The following MARCHF1 variants were observed in gnomAD, a reference collection of about 807,000 sequenced individuals.
The protein encoded by MARCHF1 is membrane associated ring-CH-type finger 1, also known as E3 ubiquitin-protein ligase MARCHF1.
In MARCHF1, 40 loss-of-function variants were observed where a neutral mutation model predicts 54.2. The observed-to-expected ratio is 0.74, with a 90% CI of 0.57 to 0.96. The LOEUF (loss-of-function observed/expected upper bound fraction) is 0.96, where lower values mean the gene tolerates loss of function less well. MARCHF1 is among the 40% of genes least tolerant of loss of function. The pLI, the probability that MARCHF1 is intolerant of heterozygous loss-of-function variation, is 0.00. For missense variants in MARCHF1, 586 were observed against 656.5 expected (o/e 0.89, Z 1.17); for synonymous variants, 236 against 236.3 (o/e 1.00, Z 0.01).
At chr4:164,346,604 GTATA>G (rs56936775) in intron 1 of MARCHF1, among the ~76,000 whole-genome samples, 11 of 42,602 alleles carry the variant, frequency 2.6e-4, no homozygotes, top group African/African-American at 6.3e-4. Context: ...ATGTATGTAT[GTATA>G]TATATATATA....
intron 4 of MARCHF1, among the ~76,000 whole-genome samples, chr4:163,810,321 T>A (rs1237358657): frequency 6.6e-6 from 1 of 152,232 alleles, no homozygotes; most frequent in Admixed American, 6.5e-5. Flanking sequence ...TAATATTTTT[T>A]AAAATTATTA....
intron 1 of MARCHF1, among the ~76,000 whole-genome samples, chr4:164,351,304 G>A (rs1028165986): frequency 5.3e-5 from 8 of 151,076 alleles, no homozygotes; most frequent in African/African-American, 1.9e-4. Flanking sequence ...CCACCTCTGG[G>A]GGCAGGGCAC....
chr4:164,164,817 A>G (rs1250469086), intron 1 of MARCHF1, among the ~76,000 whole-genome samples: 2 of 152,074 alleles, frequency 1.3e-5, no homozygotes, highest in Non-Finnish European at 2.9e-5. Context: ...AGCCTCATGT[A>G]TAGGTAAATC....
At chr4:163,726,907 T>C (rs1745670758) in intron 4 of MARCHF1, among the ~76,000 whole-genome samples, 2 of 152,268 alleles carry the variant, frequency 1.3e-5, no homozygotes, top group African/African-American at 2.4e-5. Flanking sequence ...CCATTTTTAA[T>C]GAATTTGTTC....
chr4:163,867,809 A>AT (rs1750085441), intron 3 of MARCHF1, among the ~76,000 whole-genome samples: 1 of 115,642 alleles, frequency 8.6e-6, no homozygotes, highest in Non-Finnish European at 1.7e-5. Flanking sequence ...ACTTTCATCA[A>AT]TTTCCTTTTT....
Position 163,768,952 on chromosome 4 carries a change from A to C in MARCHF1, c.112-68089T>G, listed in dbSNP as rs185382750. On this transcript the variant is annotated intron_variant, in intron 4 of 9. Transcript: ENST00000514618. The stretch of plus-strand genomic sequence containing the variant: ...AATATCTGGACTTCCTGGTGGCTAC[A>C]ATAATGCCGAAAATATTTAATATGA... Among the ~76,000 whole-genome samples the C allele has an allele frequency of 3.9e-3, 590 of 152,276 alleles. 5 individuals are homozygous for C. Among genetic ancestry groups the C allele is most frequent in the African/African-American group, 0.014 (567 of 41,550 alleles).
intron 1 of MARCHF1, among the ~76,000 whole-genome samples, chr4:164,274,897 C>T (rs1344664257): frequency 6.6e-6 from 1 of 150,544 alleles, no homozygotes; most frequent in Non-Finnish European, 1.5e-5. Flanking sequence ...AGGATGGTCT[C>T]GATCTCCTGA....
chr4:164,383,989 C>T lies in MARCHF1; in HGVS notation c.-442G>A, dbSNP rs1229682474. On this transcript the variant is annotated 5_prime_UTR_variant, in exon 1 of 10. Transcript: ENST00000514618. Reference sequence around the variant, plus strand: ...GGAGCGCTCCTCCCCAGCTAGCGGACGAGCAGCCGGGTGGCAGGCAGCCCG... The same window carrying T: ...GGAGCGCTCCTCCCCAGCTAGCGGATGAGCAGCCGGGTGGCAGGCAGCCCG... The T allele has an allele frequency of 6.6e-6, 1 of 152,254 alleles. No homozygotes were observed. Among genetic ancestry groups the T allele is most frequent in the African/African-American group, 2.4e-5 (1 of 41,446 alleles). The allele number at this position is 152,254 out of a possible 1,614,324, so 9.4% of individuals were successfully genotyped here.
chr4:164,050,017 G>T (rs148534752), intron 2 of MARCHF1, among the ~76,000 whole-genome samples: 3,720 of 152,164 alleles, frequency 0.024, 141 homozygotes, highest in African/African-American at 0.08. Context: ...GCTCAAACCT[G>T]CAATCCCAGC....
chr4:163,926,924 A>G (rs1429438191), intron 3 of MARCHF1, among the ~76,000 whole-genome samples: 1 of 151,680 alleles, frequency 6.6e-6, no homozygotes, highest in Non-Finnish European at 1.5e-5. Flanking sequence ...AATAGAATGC[A>G]TATGTCATAG....
At chr4:163,549,309 CT>C (rs762440866) in intron 8 of MARCHF1, among the ~76,000 whole-genome samples, 12 of 151,824 alleles carry the variant, frequency 7.9e-5, no homozygotes, top group East Asian at 7.7e-4. Flanking sequence ...TTGCTTGGGC[CT>C]GAGTCGAATA....
chr4:164,279,989 T>A (rs1733986772), intron 1 of MARCHF1, among the ~76,000 whole-genome samples: 1 of 151,936 alleles, frequency 6.6e-6, no homozygotes, highest in Non-Finnish European at 1.5e-5. Flanking sequence ...TTTAGAGAAT[T>A]GATTAAAATA....
At chr4:164,162,375 A>G (rs1012838690) in intron 1 of MARCHF1, among the ~76,000 whole-genome samples, 15 of 152,116 alleles carry the variant, frequency 9.9e-5, no homozygotes, top group African/African-American at 3.6e-4. Context: ...ATCCAGTGAG[A>G]AGGTTTATAG....
At chr4:163,791,558 C>T (rs951349015) in intron 4 of MARCHF1, among the ~76,000 whole-genome samples, 2 of 152,056 alleles carry the variant, frequency 1.3e-5, no homozygotes, top group East Asian at 1.9e-4. Context: ...GATTGACAAG[C>T]GTGGATACTA....
At chr4:164,242,079 T>C (rs1257367159) in intron 1 of MARCHF1, among the ~76,000 whole-genome samples, 1 of 151,996 alleles carries the variant, frequency 6.6e-6, no homozygotes, top group Non-Finnish European at 1.5e-5. Flanking sequence ...CCAGCCTTGA[T>C]TAGGTAAACA....
intron 8 of MARCHF1, among the ~76,000 whole-genome samples, chr4:163,560,428 G>T (rs556187138): frequency 2.0e-5 from 3 of 152,206 alleles, no homozygotes; most frequent in Non-Finnish European, 4.4e-5. Context: ...GACTTTGGTA[G>T]CTGTATAATA....
intron 1 of MARCHF1, among the ~76,000 whole-genome samples, chr4:164,156,750 G>T (rs1334991592): frequency 6.6e-6 from 1 of 152,020 alleles, no homozygotes; most frequent in East Asian, 1.9e-4. Context: ...CATTTTATAG[G>T]AGATGAATAA....
chr4:164,072,193 C>T lies in MARCHF1; in HGVS notation c.-248+39395G>A, dbSNP rs188214844. Among the ~76,000 whole-genome samples, 257 of 152,232 alleles carry T rather than the reference C, an allele frequency of 1.7e-3. 1 individual carries two copies. Among genetic ancestry groups the T allele is most frequent in the African/African-American group, 5.9e-3 (246 of 41,536 alleles). ...AGTAACACAGAAACTGCCGATATTA[C>T]GTCGTAATTTGTTTCCTTATAACAA... On this transcript the variant is annotated intron_variant, in intron 2 of 9. Coordinates refer to ENST00000514618, the MANE Select transcript of MARCHF1 (RefSeq NM_001394959.1).
intron 2 of MARCHF1, among the ~76,000 whole-genome samples, chr4:164,083,722 C>T (rs1049841270): frequency 2.0e-5 from 3 of 152,010 alleles, no homozygotes; most frequent in Admixed American, 2.0e-4. Context: ...GATCTCAGTG[C>T]TGAATTCTAA....
Sources: gnomAD v4.1 joint callset for allele counts (sites outside exome capture counted in the v4.1 genomes callset) on GRCh38, gnomAD v4.1.1 for gene constraint, MANE v1.5 for transcripts, NCBI Gene and HGNC (gene_info 2026-07-23, HGNC 2026-07-21) for gene names.